The following RIC1 variants were observed in gnomAD, a reference collection of about 807,000 sequenced individuals.
RIC1 encodes guanine nucleotide exchange factor subunit RIC1.
Under a neutral mutation model 169.0 loss-of-function variants are expected in RIC1, and 88 were observed. That is an observed-to-expected ratio of 0.52 (90% CI 0.44 to 0.62). The LOEUF is 0.62. Among genes scored for constraint, RIC1 ranks in the 20% least tolerant of loss-of-function variants. The probability of loss-of-function intolerance (pLI) is 0.00; values close to 1 mark genes in which losing one functional copy is unlikely to be tolerated. For missense variants in RIC1, 1,877 were observed against 1,725.5 expected (o/e 1.09, Z -1.56); for synonymous variants, 790 against 601.5 (o/e 1.31, Z -4.59).
intron 8 of RIC1, among the ~76,000 whole-genome samples, chr9:5,740,194 T>G (rs1008867962): frequency 1.3e-5 from 2 of 152,180 alleles, no homozygotes; most frequent in Admixed American, 6.5e-5. Context: ...CTAAACTCCT[T>G]GCGTCTCACA....
intron 4 of RIC1, 149 bp downstream of exon 4, chr9:5,714,152 C>T (rs1823099192): frequency 4.3e-6 from 2 of 467,696 alleles, no homozygotes; most frequent in Non-Finnish European, 7.5e-6. Flanking sequence ...CCTTATAAGA[C>T]AATGGAAGTT....
Position 5,720,337 on chromosome 9 carries a change from T to C in RIC1, c.583+13T>C, listed in dbSNP as rs772840134. ...CAGTCATCTAGAGGTAGCTATACTT[T>C]CTACATGAGGTTGAACCAGTTGTTT... On this transcript the variant is annotated intron_variant, in intron 5 of 25. Transcript: ENST00000414202. The C allele has an allele frequency of 6.2e-7, 1 of 1,607,002 alleles. No individual in the cohort carries two copies. Among genetic ancestry groups the C allele is most frequent in the East Asian group, 2.2e-5 (1 of 44,730 alleles).
intron 3 of RIC1, among the ~76,000 whole-genome samples, chr9:5,711,221 A>G (rs984871263): frequency 1.2e-4 from 18 of 152,192 alleles, no homozygotes; most frequent in African/African-American, 4.3e-4. Context: ...CTCCACAGCC[A>G]CACTTGAGAA....
intron 14 of RIC1, among the ~76,000 whole-genome samples, chr9:5,754,531 C>T (rs1411196533): frequency 2.0e-5 from 3 of 152,090 alleles, no homozygotes; most frequent in Non-Finnish European, 4.4e-5. Context: ...GAGTCCAAGA[C>T]CAGCCTGGCC....
In RIC1 at chr9:5,680,351, G is replaced by A. The variant is rs145749829; in HGVS notation, c.253-9608G>A. Among the ~76,000 whole-genome samples the A allele has an allele frequency of 9.4e-3, 1,427 of 152,210 alleles. 17 individuals carry two copies. Among genetic ancestry groups the A allele is most frequent in the African/African-American group, 0.031 (1,290 of 41,528 alleles). On this transcript the variant is annotated intron_variant, in intron 2 of 25. Transcript: ENST00000414202. The stretch of plus-strand genomic sequence containing the variant: ...GCTTTGATATCAGGGTGATGCTGGC[G>A]TCATCAAATGAGTTAGGGAGGATTC...
At chr9:5,694,819 A>G (rs1225635571) in intron 3 of RIC1, among the ~76,000 whole-genome samples, 1 of 151,508 alleles carries the variant, frequency 6.6e-6, no homozygotes, top group Non-Finnish European at 1.5e-5. Context: ...GGTTCTATGA[A>G]AAGTCTGGTG....
In RIC1 at chr9:5,674,594, A is replaced by C. The variant is rs568827791; in HGVS notation, c.253-15365A>C. ...CTTTCCTTTTGTTCCTGAGCTGATA[A>C]CTACAGATAAAAGGTTAGGTTACCT... On this transcript the variant is annotated intron_variant, in intron 2 of 25. Transcript: ENST00000414202. Among the ~76,000 whole-genome samples, 8 of 152,300 alleles carry C rather than the reference A, an allele frequency of 5.3e-5. No homozygotes were observed. In the South Asian group the frequency reaches 1.7e-3, roughly 32 times the overall value.
At chr9:5,770,903 C>G (rs944222693) in intron 23 of RIC1, among the ~76,000 whole-genome samples, 1 of 152,096 alleles carries the variant, frequency 6.6e-6, no homozygotes, top group African/African-American at 2.4e-5. Flanking sequence ...TTTGTGTTGG[C>G]ATAGGGTTAT....
chr9:5,763,709 C>T lies in RIC1; in HGVS notation c.2682C>T (p.Phe894=). The T allele has an allele frequency of 3.1e-6, 5 of 1,614,186 alleles. No individual in the cohort carries two copies. Among genetic ancestry groups the T allele is most frequent in the Non-Finnish European group, 4.2e-6 (5 of 1,180,042 alleles). Residue 894 remains phenylalanine, a synonymous_variant, in exon 19 of 26, where the codon TTC becomes TTT. Coordinates refer to ENST00000414202, the MANE Select transcript of RIC1 (RefSeq NM_020829.4). The surrounding 1 kb of genome is among the most constrained non-coding windows in gnomAD (Gnocchi z 5.2). ...LPTVAKFITE[F]PLFLQTVVHC... The stretch of plus-strand genomic sequence containing the variant: ...CTGTGGCAAAATTTATCACTGAGTT[C>T]CCCCTCTTCCTGCAGACAGTTGTCC...
chr9:5,661,759 G>C (rs1240553171), intron 2 of RIC1, among the ~76,000 whole-genome samples: 1 of 152,072 alleles, frequency 6.6e-6, no homozygotes, highest in Non-Finnish European at 1.5e-5. Flanking sequence ...TCTAATATAG[G>C]ATCATGTCAT....
Position 5,720,338 on chromosome 9 carries a change from C to A in RIC1, c.583+14C>A. On this transcript the variant is annotated intron_variant, in intron 5 of 25. Transcript: ENST00000414202. ...AGTCATCTAGAGGTAGCTATACTTT[C>A]TACATGAGGTTGAACCAGTTGTTTA... 1 of 1,606,104 alleles carries A rather than the reference C, an allele frequency of 6.2e-7. No individual in the cohort carries two copies. The highest frequency in any genetic ancestry group is 8.5e-7 in the Non-Finnish European group (1 of 1,176,114).
At chr9:5,675,290 C>T (rs952546940) in intron 2 of RIC1, among the ~76,000 whole-genome samples, 3 of 151,700 alleles carry the variant, frequency 2.0e-5, no homozygotes, top group Non-Finnish European at 4.4e-5. Context: ...GTAATGGGAA[C>T]GAGTCAGGGT....
At chr9:5,630,871 G>C (rs377156050) in intron 1 of RIC1, among the ~76,000 whole-genome samples, 2 of 152,034 alleles carry the variant, frequency 1.3e-5, no homozygotes, top group Non-Finnish European at 2.9e-5. Flanking sequence ...AATTTGTTTA[G>C]GTGTATATAA....
chr9:5,705,530 C>A (rs939887630), intron 3 of RIC1, among the ~76,000 whole-genome samples: 4 of 152,096 alleles, frequency 2.6e-5, no homozygotes, highest in African/African-American at 4.8e-5. Flanking sequence ...AATAACTCTT[C>A]TGTGGATTCT....
At chr9:5,727,777 T>C (rs1352817568) in intron 6 of RIC1, among the ~76,000 whole-genome samples, 1 of 152,254 alleles carries the variant, frequency 6.6e-6, no homozygotes, top group Non-Finnish European at 1.5e-5. Flanking sequence ...GACCCTCAGC[T>C]GTAGGTCTGT....
chr9:5,765,840 G>A (rs1490098658), intron 21 of RIC1, 42 bp downstream of exon 21: 2 of 1,603,450 alleles, frequency 1.2e-6, no homozygotes, highest in East Asian at 4.5e-5. Flanking sequence ...GGGCATTCAT[G>A]ACACATTGCA....
intron 4 of RIC1, among the ~76,000 whole-genome samples, chr9:5,716,853 T>C (rs1002662900): frequency 1.3e-5 from 2 of 152,136 alleles, no homozygotes; most frequent in Non-Finnish European, 2.9e-5. Context: ...CTAAATTTTT[T>C]TAGAGGTGGT....
intron 6 of RIC1, among the ~76,000 whole-genome samples, chr9:5,723,277 T>C (rs1303583522): frequency 6.6e-6 from 1 of 152,246 alleles, no homozygotes; most frequent in Non-Finnish European, 1.5e-5. Flanking sequence ...TATCTCATTG[T>C]GGTTTTGATT....
At chr9:5,669,657 AC>A (rs1437110131) in intron 2 of RIC1, among the ~76,000 whole-genome samples, 1 of 152,192 alleles carries the variant, frequency 6.6e-6, no homozygotes, top group Admixed American at 6.5e-5. Flanking sequence ...AGTAAGGAAA[AC>A]TTTTTTGGGG....
Sources: allele counts gnomAD v4.1 joint callset (sites outside exome capture counted in the v4.1 genomes callset), GRCh38; gene constraint gnomAD v4.1.1; non-coding constraint Gnocchi (gnomAD v3.1); transcripts MANE v1.5; gene names NCBI Gene and HGNC (gene_info 2026-07-23, HGNC 2026-07-21).